The following RBFOX1 variants were observed in gnomAD, a reference collection of about 807,000 sequenced individuals.
RBFOX1 encodes the protein RNA binding protein fox-1 homolog 1.
In RBFOX1, 8 loss-of-function variants were observed where a neutral mutation model predicts 57.7. That is an observed-to-expected ratio of 0.14 (90% CI 0.08 to 0.25). The LOEUF (loss-of-function observed/expected upper bound fraction) is 0.25, where lower values mean the gene tolerates loss of function less well. Among genes scored for constraint, RBFOX1 ranks in the 10% least tolerant of loss-of-function variants. The pLI is 1.00. For synonymous variants in RBFOX1, 326 were observed against 222.4 expected, an observed-to-expected ratio of 1.47 and a Z score of -4.15; for missense variants, 611 against 548.5, an observed-to-expected ratio of 1.11 and a Z score of -1.14.
chr16:7,632,560 G>T (rs937913313), intron 11 of RBFOX1, among the ~76,000 whole-genome samples: 9 of 152,162 alleles, frequency 5.9e-5, no homozygotes, highest in Non-Finnish European at 1.3e-4. Context: ...TCAACCTTCA[G>T]CTACCTTTCT....
chr16:7,554,796 T>G (rs1317204559), intron 5 of RBFOX1, among the ~76,000 whole-genome samples: 1 of 152,180 alleles, frequency 6.6e-6, no homozygotes, highest in Non-Finnish European at 1.5e-5. Flanking sequence ...ACCTGTAATC[T>G]TGGCCACATT....
intron 3 of RBFOX1, among the ~76,000 whole-genome samples, chr16:6,682,712 G>T (rs1568195668): frequency 6.6e-6 from 1 of 151,842 alleles, no homozygotes; most frequent in Non-Finnish European, 1.5e-5. Context: ...ATTGCCCCCT[G>T]TTTGACGATC....
intron 4 of RBFOX1, among the ~76,000 whole-genome samples, chr16:7,289,814 A>G (rs1408326296): frequency 6.6e-6 from 1 of 152,190 alleles, no homozygotes; most frequent in African/African-American, 2.4e-5. Flanking sequence ...CTCACTTATA[A>G]ATAAGGATCC....
intron 3 of RBFOX1, among the ~76,000 whole-genome samples, chr16:5,860,763 G>T (rs150490841): frequency 6.6e-6 from 1 of 152,160 alleles, no homozygotes; most frequent in Non-Finnish European, 1.5e-5. Context: ...ATGGGTCAAC[G>T]TCCTTCTCCA....
intron 5 of RBFOX1, among the ~76,000 whole-genome samples, chr16:7,519,425 A>G (rs1244826694): frequency 6.6e-6 from 1 of 152,228 alleles, no homozygotes; most frequent in Non-Finnish European, 1.5e-5. Flanking sequence ...TACGCCATAA[A>G]GAGTAAATTT....
intron 4 of RBFOX1, among the ~76,000 whole-genome samples, chr16:7,341,736 T>TTCCCTCCCTCCCTCCCTCCCTCCCTCCC (rs1166119622): frequency 1.4e-5 from 1 of 71,964 alleles, no homozygotes; most frequent in East Asian, 5.0e-4. Context: ...CCCTCCCTCC[T>TTCCCTCCCTCCCTCCCTCCCTCCCTCCC]TCCCTCCCTC....
At chr16:6,781,639 G>A (rs997179411) in intron 3 of RBFOX1, among the ~76,000 whole-genome samples, 1 of 151,878 alleles carries the variant, frequency 6.6e-6, no homozygotes, top group African/African-American at 2.4e-5. Flanking sequence ...ATTATTTCAT[G>A]TTTCAATCTT....
chr16:6,435,630 C>T (rs1338797254), intron 2 of RBFOX1, among the ~76,000 whole-genome samples: 1 of 152,078 alleles, frequency 6.6e-6, no homozygotes, highest in Non-Finnish European at 1.5e-5. Flanking sequence ...AGCATCTACC[C>T]CCAGCAAGAT....
rs188736009 is a variant in RBFOX1, at chr16:6,182,662, T to C, written c.-126-134333T>C. Among the ~76,000 whole-genome samples, 3 of 152,306 alleles carry C rather than the reference T, an allele frequency of 2.0e-5. No individual in the cohort carries two copies. The East Asian group carries it at 5.8e-4, about 29-fold the overall frequency. Reference sequence around the variant, plus strand: ...TAACACATTGTGATTTTAAATATGTTTTAAAATATATTTTTGCAACAAATG... The same window carrying C: ...TAACACATTGTGATTTTAAATATGTCTTAAAATATATTTTTGCAACAAATG... On this transcript the variant is annotated intron_variant, in intron 1 of 15. Transcript: ENST00000550418.
intron 3 of RBFOX1, among the ~76,000 whole-genome samples, chr16:6,801,317 G>A (rs2085387773): frequency 6.6e-6 from 1 of 152,062 alleles, no homozygotes; most frequent in Admixed American, 6.6e-5. Flanking sequence ...CTACAGTTGA[G>A]AGAGAACCAT....
chr16:5,786,192 C>G (rs970444934), intron 3 of RBFOX1, among the ~76,000 whole-genome samples: 2 of 152,208 alleles, frequency 1.3e-5, no homozygotes, highest in South Asian at 4.1e-4. Context: ...CTCTGCCCTT[C>G]AAATGAAGTA....
At chr16:5,374,855 G>C (rs2065945798) in intron 1 of RBFOX1, among the ~76,000 whole-genome samples, 1 of 151,740 alleles carries the variant, frequency 6.6e-6, no homozygotes, top group African/African-American at 2.4e-5. Flanking sequence ...ATAGAAATTT[G>C]TTTTCTCTCT....
intron 4 of RBFOX1, among the ~76,000 whole-genome samples, chr16:5,891,845 C>T (rs972853159): frequency 6.6e-6 from 1 of 152,162 alleles, no homozygotes. Context: ...CTTGGAGACC[C>T]TCCATCCTGT....
At chr16:6,631,956 T>C (rs538424612) in intron 2 of RBFOX1, among the ~76,000 whole-genome samples, 1 of 152,254 alleles carries the variant, frequency 6.6e-6, no homozygotes, top group Non-Finnish European at 1.5e-5. Context: ...AAGAGCTATG[T>C]TGGGAGCTGG....
intron 2 of RBFOX1, among the ~76,000 whole-genome samples, chr16:6,571,072 C>G (rs1166113832): frequency 3.9e-5 from 6 of 152,170 alleles, no homozygotes; most frequent in African/African-American, 1.4e-4. Context: ...CTTTCTACTA[C>G]CAAGGACTGG....
At chr16:5,806,278 T>C (rs1245693406) in intron 3 of RBFOX1, among the ~76,000 whole-genome samples, 2 of 152,206 alleles carry the variant, frequency 1.3e-5, no homozygotes, top group African/African-American at 4.8e-5. Flanking sequence ...CTCACAGTTC[T>C]GGAGGCTGGG....
chr16:6,574,043 G>A (rs1440071037), intron 2 of RBFOX1, among the ~76,000 whole-genome samples: 1 of 152,126 alleles, frequency 6.6e-6, no homozygotes, highest in Non-Finnish European at 1.5e-5. Flanking sequence ...TTTTTCTCTC[G>A]CTCTGCCAAC....
chr16:5,463,723 C>T (rs1314932893), intron 1 of RBFOX1, among the ~76,000 whole-genome samples: 1 of 151,586 alleles, frequency 6.6e-6, no homozygotes, highest in East Asian at 1.9e-4. Context: ...TCGCTTGAAC[C>T]CAGGAGATGG....
At chr16:6,913,341 C>A (rs894871819) in intron 3 of RBFOX1, among the ~76,000 whole-genome samples, 2 of 152,058 alleles carry the variant, frequency 1.3e-5, no homozygotes, top group African/African-American at 4.8e-5. Context: ...AGAATGGTCC[C>A]ATTTTAACCC....
Sources: allele counts gnomAD v4.1 joint callset (sites outside exome capture counted in the v4.1 genomes callset), GRCh38; gene constraint gnomAD v4.1.1; transcripts MANE v1.5; gene names NCBI Gene and HGNC (gene_info 2026-07-23, HGNC 2026-07-21).